SLC25A26: variants seen among roughly 807,000 people sequenced by gnomAD.
SLC25A26 encodes the protein mitochondrial S-adenosylmethionine carrier protein.
A neutral mutation model predicts 37.8 loss-of-function variants in SLC25A26; 36 were observed. That is an observed-to-expected ratio of 0.95 (90% CI 0.73 to 1.26). The LOEUF (loss-of-function observed/expected upper bound fraction) is 1.26. Ranked by LOEUF, SLC25A26 falls within the 50% of genes most tolerant of loss-of-function variation. The pLI, the probability that SLC25A26 is intolerant of heterozygous loss-of-function variation, is 0.00. For missense variants in SLC25A26, 390 were observed against 331.1 expected (o/e 1.18, Z -1.38); for synonymous variants, 129 against 122.5 (o/e 1.05, Z -0.35).
At chr3:66,299,606 C>T (rs2075012893) in intron 5 of SLC25A26, among the ~76,000 whole-genome samples, 1 of 152,196 alleles carries the variant, frequency 6.6e-6, no homozygotes, top group Non-Finnish European at 1.5e-5. Flanking sequence ...GCTTCTTTCA[C>T]TTTTCTCCTT....
intron 6 of SLC25A26, among the ~76,000 whole-genome samples, chr3:66,356,714 A>T (rs999696845): frequency 6.6e-6 from 1 of 152,118 alleles, no homozygotes; most frequent in African/African-American, 2.4e-5. Context: ...CTGCAGCTTC[A>T]ACCTCCCAGG....
chr3:66,304,279 G>A (rs2075155509), intron 5 of SLC25A26, among the ~76,000 whole-genome samples: 1 of 152,186 alleles, frequency 6.6e-6, no homozygotes, highest in South Asian at 2.1e-4. Flanking sequence ...TACAGGGCGG[G>A]TACATCAGGG....
intron 5 of SLC25A26, among the ~76,000 whole-genome samples, chr3:66,307,639 C>G (rs540770955): frequency 2.6e-5 from 4 of 152,246 alleles, no homozygotes; most frequent in Non-Finnish European, 5.9e-5. Context: ...GGTTTTAGGT[C>G]TTACGTTTAA....
intron 5 of SLC25A26, among the ~76,000 whole-genome samples, chr3:66,295,458 C>T (rs1027332337): frequency 1.4e-5 from 2 of 143,910 alleles, no homozygotes; most frequent in African/African-American, 5.2e-5. Flanking sequence ...GGCTGGAGAG[C>T]AGTGGTACGA....
At chr3:66,214,609 T>G (rs1450001415) in intron 1 of SLC25A26, among the ~76,000 whole-genome samples, 2 of 152,244 alleles carry the variant, frequency 1.3e-5, no homozygotes, top group African/African-American at 4.8e-5. Context: ...CATTATCTAT[T>G]TGTATTTCTA....
Position 66,378,062 on chromosome 3 carries a change from A to ATAAGT in SLC25A26, c.*257_*261dup. The stretch of plus-strand genomic sequence containing the variant: ...CAATTTCCTCAGAACCTCTTAATAA[A>ATAAGT]TAAGTTTGGTAATGCTGAGGCCAGG... On this transcript the variant is annotated 3_prime_UTR_variant, in exon 10 of 10. Transcript: ENST00000354883. The ATAAGT allele has an allele frequency of 2.6e-6, 1 of 377,480 alleles. No individual in the cohort carries two copies. Among genetic ancestry groups the ATAAGT allele is most frequent in the Non-Finnish European group, 4.8e-6 (1 of 208,600 alleles). 23.4% of individuals were successfully genotyped at this position (377,480 alleles called of 1,614,324 possible).
chr3:66,305,544 C>G (rs771855611), intron 5 of SLC25A26, among the ~76,000 whole-genome samples: 1 of 152,052 alleles, frequency 6.6e-6, no homozygotes, highest in Admixed American at 6.6e-5. Flanking sequence ...GTTTGCTGCA[C>G]CTGTCAACCC....
chr3:66,306,328 A>G (rs954804978), intron 5 of SLC25A26, among the ~76,000 whole-genome samples: 4 of 152,100 alleles, frequency 2.6e-5, no homozygotes, highest in Non-Finnish European at 5.9e-5. Flanking sequence ...GTGAGACGGT[A>G]TCTCATTGTG....
intron 5 of SLC25A26, among the ~76,000 whole-genome samples, chr3:66,306,209 T>G (rs2075216342): frequency 6.6e-6 from 1 of 152,226 alleles, no homozygotes; most frequent in African/African-American, 2.4e-5. Context: ...TTCAAACTCC[T>G]GACCTCGTGA....
At chr3:66,254,604 C>T (rs764624474) in intron 3 of SLC25A26, among the ~76,000 whole-genome samples, 1 of 152,212 alleles carries the variant, frequency 6.6e-6, no homozygotes, top group African/African-American at 2.4e-5. Context: ...CCTTGAACCT[C>T]TAAGTGCATT....
chr3:66,197,390 A>G (rs922813698), intron 1 of SLC25A26, among the ~76,000 whole-genome samples: 28,027 of 152,044 alleles, frequency 0.18, 2,679 homozygotes, highest in African/African-American at 0.21. Flanking sequence ...GTTTCAATAT[A>G]AGGATCAGCA....
chr3:66,216,200 A>G (rs1344403297), upstream of SLC25A26, among the ~76,000 whole-genome samples: 2 of 152,226 alleles, frequency 1.3e-5, no homozygotes, highest in African/African-American at 4.8e-5. Flanking sequence ...TCAGATCTTA[A>G]CAAATACTAT....
intron 6 of SLC25A26, among the ~76,000 whole-genome samples, chr3:66,349,234 G>A (rs552394694): frequency 1.3e-5 from 2 of 151,474 alleles, no homozygotes; most frequent in Admixed American, 1.3e-4. Flanking sequence ...TTTTTTTTCT[G>A]TCAAGTCGTT....
At chr3:66,350,435 G>A (rs1054008102) in intron 6 of SLC25A26, among the ~76,000 whole-genome samples, 4 of 152,034 alleles carry the variant, frequency 2.6e-5, no homozygotes, top group African/African-American at 9.7e-5. Flanking sequence ...AACAAATTTT[G>A]TTGACTTCAC....
intron 6 of SLC25A26, among the ~76,000 whole-genome samples, chr3:66,358,499 T>C (rs2076626576): frequency 6.6e-6 from 1 of 152,234 alleles, no homozygotes; most frequent in Admixed American, 6.5e-5. Context: ...GGAAGTAAAG[T>C]GTCTCATGAA....
intron 1 of SLC25A26, among the ~76,000 whole-genome samples, chr3:66,149,354 A>C (rs963653532): frequency 6.6e-6 from 1 of 152,102 alleles, no homozygotes; most frequent in African/African-American, 2.4e-5. Flanking sequence ...TGGAAGAAAA[A>C]CACAGGTTAG....
At position 66,274,230 on chromosome 3, in the gene SLC25A26, A is replaced by G. The variant is rs533390978; in HGVS notation, c.453+10851A>G. Among the ~76,000 whole-genome samples, 5 of 152,132 alleles carry G rather than the reference A, an allele frequency of 3.3e-5. No homozygotes were observed. In the East Asian group the frequency reaches 7.7e-4, roughly 24 times the overall value. ...AGCTGAAACTGGATCCCTTCCTTAC[A>G]CCTTATACAAAAATTAATTCAAGAT... On this transcript the variant is annotated intron_variant, in intron 5 of 9. Coordinates refer to ENST00000354883, the MANE Select transcript of SLC25A26 (RefSeq NM_001379210.1).
intron 1 of SLC25A26, among the ~76,000 whole-genome samples, chr3:66,190,688 CA>C (rs1432018455): frequency 3.3e-5 from 5 of 152,338 alleles, no homozygotes; most frequent in South Asian, 2.1e-4. Flanking sequence ...CTCAGCCTCC[CA>C]AAATGCTGGG....
At chr3:66,369,570 T>C in intron 8 of SLC25A26, 28 bp downstream of exon 8, 1 of 1,540,790 alleles carries the variant, frequency 6.5e-7, no homozygotes, top group Non-Finnish European at 8.9e-7. Context: ...GTAATGGAGA[T>C]ACTTCAGATG....
Sources: gnomAD v4.1 joint callset for allele counts (sites outside exome capture counted in the v4.1 genomes callset) on GRCh38, gnomAD v4.1.1 for gene constraint, MANE v1.5 for transcripts, NCBI Gene and HGNC (gene_info 2026-07-23, HGNC 2026-07-21) for gene names.